The following DRC11 variants were observed in gnomAD, a reference collection of about 807,000 sequenced individuals.
DRC11 encodes IQ and AAA domain-containing protein 1.
the DRC11 span, chr2:236,368,247 G>A: frequency 1.2e-6 from 2 of 1,611,004 alleles, no homozygotes; most frequent in East Asian, 4.5e-5. Context: ...CAGGAGGGAG[G>A]GCATGGGTTC....
chr2:236,458,445 C>T, the DRC11 span, among the ~76,000 whole-genome samples: 1 of 152,170 alleles, frequency 6.6e-6, no homozygotes, highest in Admixed American at 6.5e-5. Flanking sequence ...TGAGAATTCA[C>T]TTAGGGATGC....
At chr2:236,358,058 T>G in the DRC11 span, among the ~76,000 whole-genome samples, 6 of 118,924 alleles carry the variant, frequency 5.0e-5, no homozygotes, top group Non-Finnish European at 9.5e-5. Flanking sequence ...TAGATATATA[T>G]TATATGAATA....
chr2:236,377,255 C>T, the DRC11 span: 2 of 908,496 alleles, frequency 2.2e-6, no homozygotes, highest in African/African-American at 3.3e-5. The surrounding 1 kb of genome is among the most constrained non-coding windows in gnomAD (Gnocchi z 4.9). Flanking sequence ...TGTTAATGAT[C>T]ACATACGCGG....
the DRC11 span, chr2:236,408,028 T>A: frequency 2.1e-3 from 1,188 of 567,152 alleles, 12 homozygotes; most frequent in African/African-American, 0.02. The surrounding 1 kb of genome is among the most constrained non-coding windows in gnomAD (Gnocchi z 5.5). Flanking sequence ...CAAAGACTTG[T>A]GGAGGGTGAG....
the DRC11 span, chr2:236,419,017 A>T: frequency 7.4e-7 from 1 of 1,348,754 alleles, no homozygotes; most frequent in Admixed American, 3.3e-5. The surrounding 1 kb of genome is among the most constrained non-coding windows in gnomAD (Gnocchi z 4.8). Flanking sequence ...CTGTTGGTAG[A>T]TAACATGGTT....
chr2:236,446,518 C>T, the DRC11 span, among the ~76,000 whole-genome samples: 1 of 152,186 alleles, frequency 6.6e-6, no homozygotes, highest in Admixed American at 6.5e-5. The surrounding 1 kb of genome is among the most constrained non-coding windows in gnomAD (Gnocchi z 6.2). Context: ...AACCTGATTC[C>T]TCTGAGCCGC....
the DRC11 span, among the ~76,000 whole-genome samples, chr2:236,357,454 T>C: frequency 1.6e-5 from 2 of 126,540 alleles, no homozygotes; most frequent in African/African-American, 3.1e-5. Flanking sequence ...TTATAAATTA[T>C]ATATATTTAC....
the DRC11 span, among the ~76,000 whole-genome samples, chr2:236,365,759 G>A: frequency 6.6e-6 from 1 of 151,840 alleles, no homozygotes; most frequent in East Asian, 1.9e-4. The surrounding 1 kb of genome is among the most constrained non-coding windows in gnomAD (Gnocchi z 7.4). Context: ...CCTCTTCAAC[G>A]GGGGCCTGGC....
At chr2:236,484,498 T>C in the DRC11 span, among the ~76,000 whole-genome samples, 1 of 152,114 alleles carries the variant, frequency 6.6e-6, no homozygotes, top group Non-Finnish European at 1.5e-5. Context: ...AGATACATAA[T>C]AGGATATTTT....
chr2:236,405,807 A>G, the DRC11 span, among the ~76,000 whole-genome samples: 1 of 152,336 alleles, frequency 6.6e-6, no homozygotes, highest in East Asian at 1.9e-4. The surrounding 1 kb of genome is among the most constrained non-coding windows in gnomAD (Gnocchi z 4.6). Context: ...CAGGTAGTGT[A>G]TACAGCATGA....
the DRC11 span, chr2:236,408,390 G>A: frequency 3.7e-4 from 279 of 746,322 alleles, 2 homozygotes; most frequent in South Asian, 2.6e-3. The surrounding 1 kb of genome is among the most constrained non-coding windows in gnomAD (Gnocchi z 5.5). Flanking sequence ...TGACCCCTTT[G>A]TAGTCTTTGC....
At chr2:236,342,659 C>T in the DRC11 span, among the ~76,000 whole-genome samples, 3 of 152,104 alleles carry the variant, frequency 2.0e-5, no homozygotes, top group African/African-American at 7.2e-5. This position sits in a 1 kb window ranked among gnomAD's most constrained non-coding sequence, Gnocchi z 5.8. Context: ...TGGGCATGCA[C>T]ACGCAATGGT....
the DRC11 span, among the ~76,000 whole-genome samples, chr2:236,400,772 C>T: frequency 6.6e-6 from 1 of 152,106 alleles, no homozygotes; most frequent in Admixed American, 6.5e-5. This position sits in a 1 kb window ranked among gnomAD's most constrained non-coding sequence, Gnocchi z 7.9. Flanking sequence ...CTCCGGGATG[C>T]GGTGGCCTGA....
At chr2:236,313,344 T>A in the DRC11 span, among the ~76,000 whole-genome samples, 1 of 152,118 alleles carries the variant, frequency 6.6e-6, no homozygotes, top group African/African-American at 2.4e-5. The surrounding 1 kb of genome is among the most constrained non-coding windows in gnomAD (Gnocchi z 4.5). Context: ...GCAACACTGG[T>A]TTAACCATTA....
chr2:236,334,440 A>T, the DRC11 span, among the ~76,000 whole-genome samples: 1 of 152,082 alleles, frequency 6.6e-6, no homozygotes, highest in African/African-American at 2.4e-5. The surrounding 1 kb of genome is among the most constrained non-coding windows in gnomAD (Gnocchi z 7.8). Context: ...GGGGTGTGGC[A>T]ATGGCTGTGT....
At chr2:236,371,105 C>G in the DRC11 span, among the ~76,000 whole-genome samples, 1 of 152,096 alleles carries the variant, frequency 6.6e-6, no homozygotes, top group Non-Finnish European at 1.5e-5. The surrounding 1 kb of genome is among the most constrained non-coding windows in gnomAD (Gnocchi z 5.1). Flanking sequence ...TCCGGGCAAC[C>G]ACATTCTGCG....
the DRC11 span, among the ~76,000 whole-genome samples, chr2:236,392,954 C>G: frequency 6.6e-6 from 1 of 152,096 alleles, no homozygotes; most frequent in African/African-American, 2.4e-5. This position sits in a 1 kb window ranked among gnomAD's most constrained non-coding sequence, Gnocchi z 5.1. Context: ...GAGGGTGGAC[C>G]TGGAGAAACA....
At chr2:236,469,674 C>T in the DRC11 span, among the ~76,000 whole-genome samples, 1 of 152,154 alleles carries the variant, frequency 6.6e-6, no homozygotes, top group Non-Finnish European at 1.5e-5. This position sits in a 1 kb window ranked among gnomAD's most constrained non-coding sequence, Gnocchi z 5.8. Flanking sequence ...CTCCTTTCTC[C>T]GGTTGCTTTT....
chr2:236,344,562 T>A, the DRC11 span: 3 of 1,612,512 alleles, frequency 1.9e-6, no homozygotes, highest in Non-Finnish European at 2.5e-6. Flanking sequence ...CTCACCATCT[T>A]TTCTGCGTTG....
Sources: allele counts gnomAD v4.1 joint callset (sites outside exome capture counted in the v4.1 genomes callset), GRCh38; gene constraint gnomAD v4.1.1; non-coding constraint Gnocchi (gnomAD v3.1); transcripts MANE v1.5; gene names NCBI Gene and HGNC (gene_info 2026-07-23, HGNC 2026-07-21).